The following TPM3 variants were observed in gnomAD, a reference collection of about 807,000 sequenced individuals.
The protein encoded by TPM3 is tropomyosin 3, also known as tropomyosin alpha-3 chain.
A neutral mutation model predicts 43.1 loss-of-function variants in TPM3; 16 were observed. The observed-to-expected ratio is 0.37, with a 90% CI of 0.25 to 0.56. The LOEUF (loss-of-function observed/expected upper bound fraction) is 0.56, where lower values mean the gene tolerates loss of function less well. TPM3 is among the 20% of genes least tolerant of loss of function. TPM3 has a pLI of 0.77. For missense variants in TPM3, 176 were observed against 337.2 expected, an observed-to-expected ratio of 0.52 and a Z score of 3.74; for synonymous variants, 101 against 116.9, an observed-to-expected ratio of 0.86 and a Z score of 0.88.
chr1:154,179,323 C>T (rs1662684099), intron 2 of TPM3, among the ~76,000 whole-genome samples: 1 of 152,158 alleles, frequency 6.6e-6, no homozygotes, highest in East Asian at 1.9e-4. Context: ...GGCTATCTGC[C>T]TCTCCCCTGT....
chr1:154,172,426 A>T lies in TPM3; in HGVS notation c.566+482T>A, dbSNP rs554164738. ...AAAACAGACACCAGATTTTTTTTTT[A>T]AATTTATTTGTTTTAGGGACAGGGT... is the stretch of plus-strand genomic sequence containing the variant. On this transcript the variant is annotated intron_variant, in intron 5 of 9. Coordinates refer to ENST00000651641, the MANE Select transcript of TPM3 (RefSeq NM_152263.4). 4.6e-4 allele frequency: 249 copies of T among 546,210 alleles called. 1 individual carries two copies. Among genetic ancestry groups the T allele is most frequent in the East Asian group, 4.1e-3 (86 of 21,234 alleles). 33.8% of individuals were successfully genotyped at this position (546,210 alleles called of 1,614,324 possible).
At chr1:154,171,630 C>A in intron 5 of TPM3, 142 bp from the exon 6 acceptor site, 1 of 897,906 alleles carries the variant, frequency 1.1e-6, no homozygotes, top group South Asian at 1.4e-5. Context: ...TCCCAAGTAA[C>A]CTGAGCAAGC....
intron 2 of TPM3, chr1:154,183,311 C>T: frequency 3.4e-6 from 5 of 1,481,010 alleles, no homozygotes; most frequent in South Asian, 1.3e-5. Flanking sequence ...GGAGGGAGAG[C>T]CGCGGCAGGG....
At chr1:154,191,528 G>T in intron 1 of TPM3, 2 of 1,294,378 alleles carry the variant, frequency 1.5e-6, no homozygotes. Flanking sequence ...AAGCCATCCT[G>T]GGTTTTCATC....
intron 2 of TPM3, 27 bp downstream of exon 2, chr1:154,191,159 C>A (rs774548634): frequency 6.2e-7 from 1 of 1,613,186 alleles, no homozygotes; most frequent in South Asian, 1.1e-5. Flanking sequence ...GTAGATTAAA[C>A]CCATCCTCCA....
chr1:154,184,989 T>G (rs535901812), intron 2 of TPM3, among the ~76,000 whole-genome samples: 2 of 151,970 alleles, frequency 1.3e-5, no homozygotes, highest in Non-Finnish European at 2.9e-5. Context: ...AACTGTACTA[T>G]AGAATTGAGC....
Position 154,162,120 on chromosome 1 carries a change from C to T in TPM3, c.*5817G>A, listed in dbSNP as rs1215183217. On this transcript the variant is annotated 3_prime_UTR_variant, in exon 10 of 10. Coordinates refer to ENST00000651641, the MANE Select transcript of TPM3 (RefSeq NM_152263.4). ...GTGCAGTGGCTCAAGTCTGTAACCC[C>T]AGCACTTTGGAAGGCCGAGGCGGGC... 6.6e-6 allele frequency among the ~76,000 whole-genome samples: 1 copy of T among 151,932 alleles called. No individual in the cohort carries two copies. The highest frequency in any genetic ancestry group is 2.4e-5 in the African/African-American group (1 of 41,338).
downstream of TPM3, chr1:154,158,889 A>T: frequency 1.3e-6 from 1 of 769,866 alleles, no homozygotes; most frequent in East Asian, 2.4e-5. Context: ...TTTTAAAAAG[A>T]CAATCAGCTT....
chr1:154,191,047 G>T, intron 2 of TPM3, 139 bp downstream of exon 2: 1 of 1,339,524 alleles, frequency 7.5e-7, no homozygotes, highest in Non-Finnish European at 1.1e-6. Flanking sequence ...ATACCAGCAT[G>T]TGGTTATATG....
chr1:154,170,713 T>C lies in TPM3; in HGVS notation c.643-2A>G. The C allele has an allele frequency of 6.3e-7, 1 of 1,598,340 alleles. No homozygotes were observed. Among genetic ancestry groups the C allele is most frequent in the Non-Finnish European group, 8.6e-7 (1 of 1,167,332 alleles). On this transcript the variant is annotated splice_acceptor_variant, in intron 6 of 9. Transcript: ENST00000651641. LOFTEE classifies it high-confidence loss of function. ...ATATTTATCTTCTTTTTGAGAGTAC[T>C]GTAAGATAAGTAGATTAAAAATTTC...
At chr1:154,157,510 G>A, downstream of TPM3, 1 of 761,392 alleles carries the variant, frequency 1.3e-6, no homozygotes, top group Non-Finnish European at 2.4e-6. Flanking sequence ...GAAGGAGGGG[G>A]TGGTGAAAGG....
At chr1:154,169,506 A>C in intron 8 of TPM3, 123 bp from the exon 9 acceptor site, 1 of 940,898 alleles carries the variant, frequency 1.1e-6, no homozygotes, top group Non-Finnish European at 1.7e-6. Context: ...TACCACAGTT[A>C]GGAAAATATC....
intron 3 of TPM3, among the ~76,000 whole-genome samples, chr1:154,175,861 T>C (rs1662244578): frequency 6.6e-6 from 1 of 152,196 alleles, no homozygotes; most frequent in Non-Finnish European, 1.5e-5. Context: ...TAGTATTTTA[T>C]TTTTATTGAC....
At chr1:154,157,795 C>T, downstream of TPM3, 5 of 777,926 alleles carry the variant, frequency 6.4e-6, no homozygotes, top group South Asian at 4.0e-5. Context: ...TTGAGACTTG[C>T]TCCTGTTGCA....
intron 2 of TPM3, chr1:154,183,163 C>G (rs1015436968): frequency 1.3e-6 from 2 of 1,597,232 alleles, no homozygotes; most frequent in Non-Finnish European, 1.7e-6. Flanking sequence ...CCTGCCTCCT[C>G]CGCTCGGCGT....
At chr1:154,189,798 C>CAAAA (rs1167349462) in intron 2 of TPM3, among the ~76,000 whole-genome samples, 1 of 43,808 alleles carries the variant, frequency 2.3e-5, no homozygotes, top group African/African-American at 7.1e-5. Context: ...AACCCTGTCT[C>CAAAA]AAAAAAAAAA....
Position 154,176,264 on chromosome 1 carries a change from A to G in TPM3, c.244-16T>C. On this transcript the variant is annotated splice_polypyrimidine_tract_variant and intron_variant, in intron 2 of 9. Transcript: ENST00000651641. ...CAGCCTCAGCCTGCATTTGAAGGAAAGAATGGACAAGGGAAGCAGAGGCAT... is the reference window on the plus strand; with the variant it reads ...CAGCCTCAGCCTGCATTTGAAGGAAGGAATGGACAAGGGAAGCAGAGGCAT... 1 of 1,614,148 alleles carries G rather than the reference A, an allele frequency of 6.2e-7. No individual in the cohort carries two copies. Among genetic ancestry groups the G allele is most frequent in the Middle Eastern group, 1.7e-4 (1 of 6,060 alleles).
intron 9 of TPM3, among the ~76,000 whole-genome samples, chr1:154,169,041 G>A (rs970865331): frequency 2.0e-5 from 3 of 151,814 alleles, no homozygotes; most frequent in African/African-American, 7.3e-5. Context: ...TCACCATGTT[G>A]GCCAGGCTGG....
chr1:154,170,206 A>C, intron 8 of TPM3, 194 bp downstream of exon 8: 1 of 618,484 alleles, frequency 1.6e-6, no homozygotes, highest in Admixed American at 2.7e-5. Context: ...TTCTTAAAGG[A>C]AAAGATTAAA....
Sources: gnomAD v4.1 joint callset for allele counts (sites outside exome capture counted in the v4.1 genomes callset) on GRCh38, gnomAD v4.1.1 for gene constraint, MANE v1.5 for transcripts, NCBI Gene and HGNC (gene_info 2026-07-23, HGNC 2026-07-21) for gene names.